Variants in SARDH observed in about 807,000 individuals in gnomAD.
SARDH encodes sarcosine dehydrogenase.
Under a neutral mutation model 109.1 loss-of-function variants are expected in SARDH, and 95 were observed. That is an observed-to-expected ratio of 0.87 (90% CI 0.74 to 1.03). SARDH has a LOEUF of 1.03. Ranked by LOEUF, SARDH falls within the 50% of genes least tolerant of loss-of-function variation. SARDH has a pLI of 0.00. For missense variants in SARDH, 1,267 were observed against 1,287.8 expected, an observed-to-expected ratio of 0.98 and a Z score of 0.25; for synonymous variants, 572 against 534.8, an observed-to-expected ratio of 1.07 and a Z score of -0.96.
intron 20 of SARDH, among the ~76,000 whole-genome samples, chr9:133,665,910 AG>A (rs1202020891): frequency 6.6e-6 from 1 of 152,224 alleles, no homozygotes; most frequent in Non-Finnish European, 1.5e-5. Context: ...CTTAGGGCTT[AG>A]GCCAAACGTC....
rs1230672002 is a variant in SARDH at position 133,666,986 on chromosome 9, G to A, written c.2496-116C>T. The A allele has an allele frequency of 2.2e-6, 3 of 1,373,860 alleles. No individual in the cohort carries two copies. Among genetic ancestry groups the A allele is most frequent in the East Asian group, 2.5e-5 (1 of 40,262 alleles). The allele number at this position is 1,373,860 out of a possible 1,614,324, so 85.1% of individuals were successfully genotyped here. On this transcript the variant is annotated intron_variant, in intron 19 of 20. Coordinates refer to ENST00000439388, the MANE Select transcript of SARDH (RefSeq NM_001134707.2). The surrounding 1 kb of genome is among the most constrained non-coding windows in gnomAD (Gnocchi z 5.2). ...GATGCACACCCAACCGTGGCTCCAG[G>A]CAGATAGGGCTGGCCTACTAGGACT...
chr9:133,679,518 G>A (rs746584172), intron 17 of SARDH, among the ~76,000 whole-genome samples: 19 of 152,202 alleles, frequency 1.2e-4, no homozygotes, highest in Non-Finnish European at 2.2e-4. Flanking sequence ...GCTGCTTCGC[G>A]GCGGGGCCCG....
downstream of SARDH, among the ~76,000 whole-genome samples, chr9:133,662,854 CG>C (rs1472623787): frequency 6.6e-6 from 1 of 152,124 alleles, no homozygotes; most frequent in Non-Finnish European, 1.5e-5. The surrounding 1 kb of genome is among the most constrained non-coding windows in gnomAD (Gnocchi z 5.1). Flanking sequence ...AACCTGGGCT[CG>C]GGGGGACAAG....
At position 133,729,876 on chromosome 9, in the gene SARDH, A is replaced by T. The variant is rs370041739; in HGVS notation, c.815-11T>A. The T allele has an allele frequency of 4.8e-5, 77 of 1,610,728 alleles. No homozygotes were observed. Among genetic ancestry groups the T allele is most frequent in the Middle Eastern group, 1.6e-4 (1 of 6,082 alleles). On this transcript the variant is annotated splice_polypyrimidine_tract_variant and intron_variant, in intron 5 of 20. Coordinates refer to ENST00000439388, the MANE Select transcript of SARDH (RefSeq NM_001134707.2). ...CACTTGCCCACACTCCTGCGGGCAG[A>T]GCACAGACAGCTCAGCTCTGCTGAC...
At chr9:133,732,717 C>A in intron 2 of SARDH, 116 bp from the exon 3 acceptor site, 1 of 1,207,968 alleles carries the variant, frequency 8.3e-7, no homozygotes, top group Non-Finnish European at 1.1e-6. Context: ...TCTGCAAGGT[C>A]TTTCTCTGCA....
chr9:133,687,227 C>T (rs1033084117), intron 16 of SARDH, among the ~76,000 whole-genome samples: 4 of 152,298 alleles, frequency 2.6e-5, no homozygotes, highest in South Asian at 2.1e-4. Flanking sequence ...CTGGGCTGCA[C>T]GACACCGTCT....
chr9:133,676,774 A>G (rs1003105969), intron 17 of SARDH, among the ~76,000 whole-genome samples: 1 of 152,258 alleles, frequency 6.6e-6, no homozygotes, highest in African/African-American at 2.4e-5. Flanking sequence ...ATGGTCGGTC[A>G]TGAGCAGTCA....
chr9:133,708,281 C>T lies in SARDH; in HGVS notation c.1470+6G>A, dbSNP rs368848135. On this transcript the variant is annotated splice_donor_region_variant and intron_variant, in intron 11 of 20. Coordinates refer to ENST00000439388, the MANE Select transcript of SARDH (RefSeq NM_001134707.2). ...CAGTCCCCAGCAGGAGCTGTAGGGG[C>T]GTTACCTCGTGCAGCGGGTCTCTCC... 15 of 1,610,766 alleles carry T rather than the reference C, an allele frequency of 9.3e-6. No homozygotes were observed. The highest frequency in any genetic ancestry group is 1.2e-5 in the Non-Finnish European group (14 of 1,178,638).
intron 16 of SARDH, among the ~76,000 whole-genome samples, chr9:133,688,481 C>T (rs562476886): frequency 7.8e-4 from 119 of 152,330 alleles, no homozygotes; most frequent in African/African-American, 2.8e-3. Flanking sequence ...CCTGCCTCGC[C>T]TGGCCTGAGG....
chr9:133,684,206 C>T (rs915078432), intron 17 of SARDH, among the ~76,000 whole-genome samples: 3 of 152,240 alleles, frequency 2.0e-5, no homozygotes, highest in Admixed American at 6.5e-5. Context: ...GTGGCTGTCA[C>T]GACGGTGGGT....
At chr9:133,661,318 CA>C, downstream of SARDH, among the ~76,000 whole-genome samples, 1 of 149,354 alleles carries the variant, frequency 6.7e-6, no homozygotes, top group South Asian at 2.2e-4. Context: ...CCAGCTTGGG[CA>C]ACAGAGTAAA....
intron 1 of SARDH, among the ~76,000 whole-genome samples, chr9:133,738,042 C>T (rs73662186): frequency 1.8e-3 from 273 of 152,304 alleles, no homozygotes; most frequent in African/African-American, 6.0e-3. Flanking sequence ...CTGGCACCTT[C>T]GCCTGGTGAG....
rs1292714985 is a variant in SARDH at position 133,666,359 on chromosome 9, C to T, written c.2631+376G>A. ...CAGCCTGGCTGGCTGGCACCTCCTT[C>T]TAACCAAAAAAAGCCTGGAATCACC... On this transcript the variant is annotated intron_variant, in intron 20 of 20. Transcript: ENST00000439388. This position sits in a 1 kb window ranked among gnomAD's most constrained non-coding sequence, Gnocchi z 5.2. Among the ~76,000 whole-genome samples, 2 of 152,070 alleles carry T rather than the reference C, an allele frequency of 1.3e-5. No homozygotes were observed. Among genetic ancestry groups the T allele is most frequent in the Non-Finnish European group, 2.9e-5 (2 of 67,988 alleles).
chr9:133,723,213 T>C (rs1832384718), intron 6 of SARDH, among the ~76,000 whole-genome samples: 1 of 152,172 alleles, frequency 6.6e-6, no homozygotes, highest in African/African-American at 2.4e-5. Flanking sequence ...ACACCCCAAA[T>C]TGATCCATAG....
chr9:133,732,275 A>ACC, intron 3 of SARDH, 148 bp downstream of exon 3: 1 of 243,976 alleles, frequency 4.1e-6, no homozygotes, highest in Non-Finnish European at 7.2e-6. Flanking sequence ...GGGGATGCGC[A>ACC]CACGGACATG....
chr9:133,663,639 C>A lies in SARDH; in HGVS notation c.*250G>T. ...GGGCTACAAGCCATGGTCCCTGAGC[C>A]CAAGACACTTACAGGTTTGCTTTCT... On this transcript the variant is annotated 3_prime_UTR_variant, in exon 21 of 21. Transcript: ENST00000439388. 1 of 532,060 alleles carries A rather than the reference C, an allele frequency of 1.9e-6. No individual in the cohort carries two copies. Among genetic ancestry groups the A allele is most frequent in the Non-Finnish European group, 3.3e-6 (1 of 299,526 alleles). The allele number at this position is 532,060 out of a possible 1,614,324, so 33.0% of individuals were successfully genotyped here.
In SARDH at chr9:133,718,641, C is replaced by T. The variant is rs575494672; in HGVS notation, c.1020+297G>A. 1.8e-5 allele frequency: 14 copies of T among 778,428 alleles called. No homozygotes were observed. The highest frequency in any genetic ancestry group is 4.9e-5 in the East Asian group (2 of 41,158). The allele number at this position is 778,428 out of a possible 1,614,324, so 48.2% of individuals were successfully genotyped here. ...GAGGGCAGTGTCATTTGCTGAAGGA[C>T]GTAGGACTTGTGTGCTCTCATGCCC... On this transcript the variant is annotated intron_variant, in intron 7 of 20. Transcript: ENST00000439388. This position sits in a 1 kb window ranked among gnomAD's most constrained non-coding sequence, Gnocchi z 4.2.
rs1831910928 is a variant in SARDH at position 133,711,320 on chromosome 9, C to A, written c.1328+1299G>T. ...AGGGAGGCCAGGGCATGAAGACTGT[C>A]CCTCCTGGGGAGGGAGCTGGGTCCC... is the stretch of plus-strand genomic sequence containing the variant. On this transcript the variant is annotated intron_variant, in intron 10 of 20. Transcript: ENST00000439388. Among the ~76,000 whole-genome samples the A allele has an allele frequency of 2.6e-5, 4 of 152,218 alleles. No individual in the cohort carries two copies. The South Asian group carries it at 6.2e-4, about 24-fold the overall frequency.
chr9:133,661,653 G>A (rs1832416894), downstream of SARDH, among the ~76,000 whole-genome samples: 1 of 152,060 alleles, frequency 6.6e-6, no homozygotes. Flanking sequence ...AGCTAATTTT[G>A]TGTTTTTAGT....
Sources: allele counts gnomAD v4.1 joint callset (sites outside exome capture counted in the v4.1 genomes callset), GRCh38; gene constraint gnomAD v4.1.1; non-coding constraint Gnocchi (gnomAD v3.1); transcripts MANE v1.5; gene names NCBI Gene and HGNC (gene_info 2026-07-23, HGNC 2026-07-21).